Variants in GRAMD1B observed in about 807,000 individuals in gnomAD.
The protein encoded by GRAMD1B is GRAM domain containing 1B.
GRAMD1B carries 37 observed loss-of-function variants against 99.7 expected under a neutral mutation model. The observed-to-expected ratio is 0.37, with a 90% CI of 0.29 to 0.49. GRAMD1B has a LOEUF of 0.49. GRAMD1B is among the 20% of genes least tolerant of loss of function. The pLI is 0.98. For synonymous variants in GRAMD1B, 427 were observed against 387.6 expected (o/e 1.10, Z -1.19); for missense variants, 888 against 1,009.2 (o/e 0.88, Z 1.63).
At chr11:123,461,767 G>A (rs1028665650) in intron 1 of GRAMD1B, among the ~76,000 whole-genome samples, 1 of 151,812 alleles carries the variant, frequency 6.6e-6, no homozygotes, top group African/African-American at 2.4e-5. Flanking sequence ...ACCACACTCG[G>A]CTAATTTTTG....
rs548833079 is a variant in GRAMD1B at position 123,610,055 on chromosome 11, T to C, written c.1777-141T>C. ...AAGCGGTGGTGGCGTCTTGCTTGTT[T>C]AGTTGCTGCTGATTCCAGTGATCCT... On this transcript the variant is annotated intron_variant, in intron 13 of 19. Coordinates refer to ENST00000635736, the MANE Select transcript of GRAMD1B (RefSeq NM_001387025.1). The surrounding 1 kb of genome is among the most constrained non-coding windows in gnomAD (Gnocchi z 4.1). 2.4e-5 allele frequency: 21 copies of C among 874,376 alleles called. No homozygotes were observed. The highest frequency in any genetic ancestry group is 1.1e-4 in the South Asian group (7 of 62,852). 54.2% of individuals were successfully genotyped at this position (874,376 alleles called of 1,614,324 possible). A position where few individuals can be genotyped will look rare whatever the true frequency, so the allele number is the denominator to read the frequency against.
At chr11:123,418,029 T>G (rs1343423780) in intron 1 of GRAMD1B, among the ~76,000 whole-genome samples, 1 of 152,128 alleles carries the variant, frequency 6.6e-6, no homozygotes, top group East Asian at 1.9e-4. Context: ...CCTCCCGAAG[T>G]GCTGGGATTA....
intron 2 of GRAMD1B, among the ~76,000 whole-genome samples, chr11:123,512,142 C>T (rs1941087334): frequency 6.6e-6 from 1 of 152,218 alleles, no homozygotes; most frequent in African/African-American, 2.4e-5. Context: ...AGTGCTTGTA[C>T]TACCTTGACA....
chr11:123,612,920 C>T (rs941320965), intron 15 of GRAMD1B, 56 bp downstream of exon 15: 22 of 950,176 alleles, frequency 2.3e-5, no homozygotes, highest in Admixed American at 7.8e-5. Flanking sequence ...AACTGCACTG[C>T]GGCCGCCCAC....
intron 1 of GRAMD1B, among the ~76,000 whole-genome samples, chr11:123,384,016 A>T (rs921498340): frequency 3.0e-4 from 45 of 152,100 alleles, no homozygotes; most frequent in African/African-American, 1.1e-3. Flanking sequence ...GATTACAGGC[A>T]TGCACCACCA....
intron 2 of GRAMD1B, among the ~76,000 whole-genome samples, chr11:123,569,665 C>A (rs556064103): frequency 6.6e-6 from 1 of 152,222 alleles, no homozygotes; most frequent in East Asian, 1.9e-4. Flanking sequence ...TGGGAAAATT[C>A]GAAGGGGAGT....
rs1950179050 is a variant in GRAMD1B at position 123,457,117 on chromosome 11, A to AAAAGAAAGAAAGAAAGAAAAAAAGAAAG, written c.375-23680_375-23679insAAAAGAAAGAAAGAAAGAAAGAAAGAAA. 5.0e-5 allele frequency among the ~76,000 whole-genome samples: 5 copies of AAAAGAAAGAAAGAAAGAAAAAAAGAAAG among 99,500 alleles called. No individual in the cohort carries two copies. The South Asian group carries it at 1.7e-3, about 34-fold the overall frequency. The allele number at this position is 99,500 out of a possible 152,430, so 65.3% of individuals were successfully genotyped here. On this transcript the variant is annotated intron_variant, in intron 1 of 19. Coordinates refer to ENST00000635736, the MANE Select transcript of GRAMD1B (RefSeq NM_001387025.1). The stretch of plus-strand genomic sequence containing the variant: ...ACAGAGAGAGACCCTTTCTGAGAAA[A>AAAAGAAAGAAAGAAAGAAAAAAAGAAAG]AAAGAAAGAAAGAAAGAAAGAATTA...
chr11:123,375,500 G>A (rs993263845), intron 1 of GRAMD1B, among the ~76,000 whole-genome samples: 7 of 152,128 alleles, frequency 4.6e-5, no homozygotes, highest in Admixed American at 4.6e-4. Context: ...TGGGGTTGGG[G>A]TACAAAAAAG....
intron 2 of GRAMD1B, among the ~76,000 whole-genome samples, chr11:123,495,678 C>CTTTT (rs556302274): frequency 8.7e-6 from 1 of 114,408 alleles, no homozygotes; most frequent in Admixed American, 8.4e-5. Context: ...CTTTCTTCTT[C>CTTTT]TTTTTTTTTT....
intron 1 of GRAMD1B, among the ~76,000 whole-genome samples, chr11:123,441,469 A>G (rs1380686468): frequency 6.6e-6 from 1 of 152,024 alleles, no homozygotes; most frequent in Non-Finnish European, 1.5e-5. Context: ...AGTGACCCCT[A>G]TCTCTACAAC....
At chr11:123,618,867 G>T in intron 18 of GRAMD1B, 67 bp downstream of exon 18, 1 of 838,580 alleles carries the variant, frequency 1.2e-6, no homozygotes, top group East Asian at 2.6e-5. Flanking sequence ...CTGTCTCCCA[G>T]TCTCCTTGGG....
chr11:123,380,192 T>A (rs991468848), intron 1 of GRAMD1B, among the ~76,000 whole-genome samples: 2 of 152,242 alleles, frequency 1.3e-5, no homozygotes, highest in African/African-American at 2.4e-5. Flanking sequence ...TGACGTCCAG[T>A]TCACTCACCC....
intron 1 of GRAMD1B, among the ~76,000 whole-genome samples, chr11:123,413,422 G>A (rs746932178): frequency 2.0e-5 from 3 of 152,092 alleles, no homozygotes; most frequent in African/African-American, 4.8e-5. Context: ...GTATCGGAGA[G>A]AGAACTGATC....
chr11:123,520,344 T>C (rs1942074615), intron 2 of GRAMD1B, among the ~76,000 whole-genome samples: 1 of 152,198 alleles, frequency 6.6e-6, no homozygotes, highest in Admixed American at 6.5e-5. Context: ...ACACAAAATC[T>C]TGTCTAGACC....
chr11:123,396,066 T>C (rs1014383578), intron 1 of GRAMD1B, among the ~76,000 whole-genome samples: 1 of 152,176 alleles, frequency 6.6e-6, no homozygotes, highest in Non-Finnish European at 1.5e-5. Flanking sequence ...TGGACCCAGC[T>C]GTGGTACAGA....
chr11:123,585,311 G>A (rs1471138900), intron 4 of GRAMD1B, among the ~76,000 whole-genome samples: 2 of 152,348 alleles, frequency 1.3e-5, no homozygotes, highest in South Asian at 2.1e-4. Flanking sequence ...GGACAGGGTT[G>A]CAGATCAATT....
chr11:123,554,008 C>CCCTCTGTTTCCTTGACCCTCTTTCA (rs1358646161), intron 2 of GRAMD1B, among the ~76,000 whole-genome samples: 2 of 152,144 alleles, frequency 1.3e-5, no homozygotes, highest in African/African-American at 4.8e-5. Context: ...TGTCTATATA[C>CCCTCTGTTTCCTTGACCCTCTTTCA]CCTCTGTTTC....
intron 2 of GRAMD1B, among the ~76,000 whole-genome samples, chr11:123,493,875 A>G (rs1938905649): frequency 6.6e-6 from 1 of 152,092 alleles, no homozygotes; most frequent in Admixed American, 6.6e-5. Context: ...CATCACTCGA[A>G]CTGCTCTCAG....
chr11:123,433,938 C>A (rs1384549766), intron 1 of GRAMD1B, among the ~76,000 whole-genome samples: 1 of 151,868 alleles, frequency 6.6e-6, no homozygotes, highest in South Asian at 2.1e-4. Context: ...ATTAGAAGAA[C>A]CTATGTATCA....
Sources: allele counts gnomAD v4.1 joint callset (sites outside exome capture counted in the v4.1 genomes callset), GRCh38; gene constraint gnomAD v4.1.1; non-coding constraint Gnocchi (gnomAD v3.1); transcripts MANE v1.5; gene names NCBI Gene and HGNC (gene_info 2026-07-23, HGNC 2026-07-21).